GRID1: variants seen among roughly 807,000 people sequenced by gnomAD.
GRID1 encodes the protein glutamate receptor ionotropic, delta-1.
Under a neutral mutation model 98.0 loss-of-function variants are expected in GRID1, and 28 were observed. That is an observed-to-expected ratio of 0.29 (90% confidence interval 0.21 to 0.39). The LOEUF is 0.39. GRID1 is among the 10% of genes least tolerant of loss of function. GRID1 has a pLI of 1.00. For missense variants in GRID1, 1,111 were observed against 1,340.5 expected, an observed-to-expected ratio of 0.83 and a Z score of 2.67; for synonymous variants, 553 against 538.5, an observed-to-expected ratio of 1.03 and a Z score of -0.37.
At chr10:86,024,849 C>T (rs1026918835) in intron 4 of GRID1, among the ~76,000 whole-genome samples, 1 of 152,184 alleles carries the variant, frequency 6.6e-6, no homozygotes, top group East Asian at 1.9e-4. Context: ...ATCCCCACCC[C>T]TATCTGCCAA....
At chr10:85,960,243 G>C (rs2131848679) in intron 4 of GRID1, among the ~76,000 whole-genome samples, 1 of 152,332 alleles carries the variant, frequency 6.6e-6, no homozygotes, top group South Asian at 2.1e-4. Flanking sequence ...AAGTCCTAAG[G>C]TAATTTTATG....
chr10:85,952,202 C>A (rs914891326), intron 4 of GRID1, among the ~76,000 whole-genome samples: 3 of 152,188 alleles, frequency 2.0e-5, no homozygotes, highest in Non-Finnish European at 4.4e-5. Context: ...CACAACAGAG[C>A]AATTGAACAG....
intron 4 of GRID1, among the ~76,000 whole-genome samples, chr10:86,041,193 T>C (rs537685343): frequency 2.0e-5 from 3 of 152,360 alleles, no homozygotes; most frequent in East Asian, 1.9e-4. Context: ...CCAGCCATTA[T>C]TAAGGCAGGT....
intron 15 of GRID1, among the ~76,000 whole-genome samples, chr10:85,609,473 A>C (rs575051530): frequency 2.3e-4 from 35 of 152,364 alleles, no homozygotes; most frequent in African/African-American, 8.2e-4. Context: ...AAATGTGCAG[A>C]CTGGCAAACT....
intron 3 of GRID1, among the ~76,000 whole-genome samples, chr10:86,141,080 G>A (rs1163544071): frequency 6.6e-6 from 1 of 151,918 alleles, no homozygotes; most frequent in Non-Finnish European, 1.5e-5. Flanking sequence ...GTGTTGCTCT[G>A]CCCACTGTGT....
intron 12 of GRID1, among the ~76,000 whole-genome samples, chr10:85,703,494 G>A (rs533954446): frequency 2.1e-4 from 32 of 152,082 alleles, no homozygotes; most frequent in African/African-American, 7.2e-4. Flanking sequence ...AAACTGGGTC[G>A]AAGATTCTGT....
intron 2 of GRID1, among the ~76,000 whole-genome samples, chr10:86,242,795 G>A (rs951408702): frequency 2.0e-5 from 3 of 152,176 alleles, no homozygotes; most frequent in Non-Finnish European, 4.4e-5. Context: ...TCCATCCTCC[G>A]AGTAATGACA....
intron 4 of GRID1, among the ~76,000 whole-genome samples, chr10:85,933,908 T>G (rs188622220): frequency 1.3e-5 from 2 of 152,224 alleles, no homozygotes; most frequent in Admixed American, 1.3e-4. Context: ...TGGCTCACTT[T>G]GATCAACACA....
At chr10:86,327,942 T>C (rs537588557) in intron 2 of GRID1, among the ~76,000 whole-genome samples, 29 of 152,344 alleles carry the variant, frequency 1.9e-4, no homozygotes, top group East Asian at 5.8e-4. Context: ...CATAGGCATA[T>C]ATAAGGATTT....
chr10:85,826,379 G>T (rs1284957267), intron 8 of GRID1, among the ~76,000 whole-genome samples: 1 of 152,050 alleles, frequency 6.6e-6, no homozygotes, highest in African/African-American at 2.4e-5. Context: ...GTCTAGAATT[G>T]TCAGATTAGA....
At chr10:86,341,553 C>T (rs1282327992) in intron 2 of GRID1, among the ~76,000 whole-genome samples, 1 of 152,222 alleles carries the variant, frequency 6.6e-6, no homozygotes, top group Admixed American at 6.5e-5. Context: ...TGAGCACTCC[C>T]TCTCCTGCGG....
chr10:86,086,475 C>T (rs918209603), intron 4 of GRID1, among the ~76,000 whole-genome samples: 1 of 152,174 alleles, frequency 6.6e-6, no homozygotes, highest in African/African-American at 2.4e-5. Flanking sequence ...ATGAGGAAAG[C>T]GAGCCCAGGG....
At chr10:85,836,883 T>C (rs1190838767) in intron 8 of GRID1, among the ~76,000 whole-genome samples, 1 of 152,104 alleles carries the variant, frequency 6.6e-6, no homozygotes, top group Non-Finnish European at 1.5e-5. Context: ...CCATAGCTTC[T>C]GCACCAGAGG....
chr10:85,920,306 C>CA (rs1417826416), intron 4 of GRID1, among the ~76,000 whole-genome samples: 1 of 152,164 alleles, frequency 6.6e-6, no homozygotes, highest in Non-Finnish European at 1.5e-5. Context: ...AATGAAATTA[C>CA]AGGTGACACT....
At chr10:86,086,277 T>C (rs1007483614) in intron 4 of GRID1, among the ~76,000 whole-genome samples, 1 of 152,218 alleles carries the variant, frequency 6.6e-6, no homozygotes, top group African/African-American at 2.4e-5. Context: ...CCATGAGGGC[T>C]GGGGTCTGCT....
At chr10:86,362,578 T>C (rs1848614083) in intron 2 of GRID1, among the ~76,000 whole-genome samples, 2 of 152,144 alleles carry the variant, frequency 1.3e-5, no homozygotes, top group Non-Finnish European at 2.9e-5. Flanking sequence ...CAAGAAATCC[T>C]TGGACCTTCA....
intron 2 of GRID1, among the ~76,000 whole-genome samples, chr10:86,217,002 G>A (rs2132026675): frequency 6.6e-6 from 1 of 152,298 alleles, no homozygotes; most frequent in South Asian, 2.1e-4. Context: ...GGTGGGGCAA[G>A]GACATGCCTT....
At chr10:85,727,418 G>A (rs1197867460) in intron 10 of GRID1, among the ~76,000 whole-genome samples, 1 of 152,102 alleles carries the variant, frequency 6.6e-6, no homozygotes, top group Non-Finnish European at 1.5e-5. Flanking sequence ...TGAGGACCTG[G>A]GGGATGCCAC....
chr10:86,231,751 A>G (rs1263542707), intron 2 of GRID1, among the ~76,000 whole-genome samples: 1 of 152,202 alleles, frequency 6.6e-6, no homozygotes, highest in African/African-American at 2.4e-5. Context: ...GCTGACCTCA[A>G]TCAGCACCTA....
Sources: gnomAD v4.1 joint callset for allele counts (sites outside exome capture counted in the v4.1 genomes callset) on GRCh38, gnomAD v4.1.1 for gene constraint, MANE v1.5 for transcripts, NCBI Gene and HGNC (gene_info 2026-07-23, HGNC 2026-07-21) for gene names.